KIZ: variants seen among roughly 807,000 people sequenced by gnomAD.
The protein encoded by KIZ is kizuna centrosomal protein.
A neutral mutation model predicts 79.6 loss-of-function variants in KIZ; 68 were observed. That is an observed-to-expected ratio of 0.85 (90% CI 0.70 to 1.05). The LOEUF (loss-of-function observed/expected upper bound fraction) is 1.05, where lower values mean the gene tolerates loss of function less well. Among genes scored for constraint, KIZ ranks in the 50% least tolerant of loss-of-function variants. The pLI is 0.00. For missense variants in KIZ, 797 were observed against 800.4 expected, an observed-to-expected ratio of 1.00 and a Z score of 0.05; for synonymous variants, 280 against 281.8, an observed-to-expected ratio of 0.99 and a Z score of 0.06.
At chr20:21,227,538 C>G (rs1382674474) in intron 9 of KIZ, among the ~76,000 whole-genome samples, 1 of 152,018 alleles carries the variant, frequency 6.6e-6, no homozygotes, top group Non-Finnish European at 1.5e-5. Context: ...AAAATAAAAA[C>G]AAAACAGGGC....
chr20:21,126,048 G>T, upstream of KIZ: 1 of 1,412,600 alleles, frequency 7.1e-7, no homozygotes, highest in Non-Finnish European at 9.2e-7. Flanking sequence ...TGGTGGGGCG[G>T]TCTCCTTCGG....
chr20:21,211,659 G>A (rs2036072830), intron 7 of KIZ, among the ~76,000 whole-genome samples: 1 of 152,280 alleles, frequency 6.6e-6, no homozygotes, highest in South Asian at 2.1e-4. Context: ...TGTTCTCTGA[G>A]CTTCTCTCTG....
intron 4 of KIZ, among the ~76,000 whole-genome samples, chr20:21,156,764 G>A (rs1382611692): frequency 6.6e-6 from 1 of 152,100 alleles, no homozygotes; most frequent in African/African-American, 2.4e-5. Flanking sequence ...GATAGGCAGG[G>A]TGTCCCAACT....
chr20:21,230,744 G>A (rs2036807915), intron 10 of KIZ, among the ~76,000 whole-genome samples: 1 of 152,182 alleles, frequency 6.6e-6, no homozygotes, highest in South Asian at 2.1e-4. Flanking sequence ...AGACATTGTA[G>A]TTTATTGAGT....
chr20:21,217,426 A>C (rs1195383540), intron 9 of KIZ, among the ~76,000 whole-genome samples: 3 of 152,166 alleles, frequency 2.0e-5, no homozygotes, highest in Non-Finnish European at 4.4e-5. Flanking sequence ...TTAATTTAAG[A>C]CAGAGTCTGT....
intron 6 of KIZ, among the ~76,000 whole-genome samples, chr20:21,176,233 C>T (rs373902863): frequency 2.1e-4 from 32 of 152,218 alleles, no homozygotes; most frequent in African/African-American, 7.2e-4. Flanking sequence ...TTGCCTGAAC[C>T]TGGGAGGCAG....
chr20:21,232,280 C>T (rs559499846), intron 10 of KIZ, among the ~76,000 whole-genome samples: 2 of 152,310 alleles, frequency 1.3e-5, no homozygotes, highest in East Asian at 3.9e-4. Context: ...GAGATTCTTT[C>T]TCCTCTGTGG....
intron 6 of KIZ, among the ~76,000 whole-genome samples, chr20:21,203,939 A>ACT (rs2035696921): frequency 6.6e-6 from 1 of 151,060 alleles, no homozygotes. Flanking sequence ...CCATTAAACA[A>ACT]CTCTCCATTT....
chr20:21,143,835 C>T (rs1243085755), intron 3 of KIZ, among the ~76,000 whole-genome samples: 2 of 152,038 alleles, frequency 1.3e-5, no homozygotes, highest in Non-Finnish European at 2.9e-5. Flanking sequence ...GTGTTCCGGA[C>T]ATGGATAATA....
At chr20:21,168,479 A>C (rs1200884073) in intron 6 of KIZ, among the ~76,000 whole-genome samples, 2 of 152,218 alleles carry the variant, frequency 1.3e-5, no homozygotes, top group African/African-American at 4.8e-5. Flanking sequence ...GGTAGGAAGA[A>C]TCAATATCGT....
chr20:21,147,649 C>A (rs1176447329), intron 4 of KIZ, among the ~76,000 whole-genome samples: 2 of 152,086 alleles, frequency 1.3e-5, no homozygotes, highest in African/African-American at 4.8e-5. Context: ...AACAGTAGGC[C>A]CCTCTATGAA....
At chr20:21,223,668 T>C (rs2036570640) in intron 9 of KIZ, among the ~76,000 whole-genome samples, 1 of 148,448 alleles carries the variant, frequency 6.7e-6, no homozygotes, top group African/African-American at 2.5e-5. Flanking sequence ...TCTCTCTCTT[T>C]TTTTTTTTTT....
intron 9 of KIZ, among the ~76,000 whole-genome samples, chr20:21,217,277 A>G (rs1033209360): frequency 6.6e-6 from 1 of 152,312 alleles, no homozygotes; most frequent in South Asian, 2.1e-4. Context: ...CCTTGGCACT[A>G]CTAATACTGT....
chr20:21,235,247 C>T (rs1441852633), intron 11 of KIZ, among the ~76,000 whole-genome samples: 2 of 152,110 alleles, frequency 1.3e-5, no homozygotes, highest in South Asian at 2.1e-4. Flanking sequence ...TGGTGGGGTT[C>T]GGGTGCTTTC....
At chr20:21,186,390 T>C (rs934478912) in intron 6 of KIZ, among the ~76,000 whole-genome samples, 4 of 151,888 alleles carry the variant, frequency 2.6e-5, no homozygotes, top group African/African-American at 7.3e-5. Flanking sequence ...GCATCTGTAA[T>C]CATGAGTACA....
intron 11 of KIZ, among the ~76,000 whole-genome samples, chr20:21,234,655 G>C (rs2036943109): frequency 6.6e-6 from 1 of 150,894 alleles, no homozygotes; most frequent in African/African-American, 2.4e-5. Flanking sequence ...CCCGGTACTT[G>C]AGAATAAACA....
chr20:21,233,189 G>A (rs1266204038), intron 11 of KIZ, among the ~76,000 whole-genome samples: 1 of 152,172 alleles, frequency 6.6e-6, no homozygotes, highest in African/African-American at 2.4e-5. Flanking sequence ...AAAGTGGCAT[G>A]TTTCTTCTTT....
chr20:21,144,394 T>C (rs535289496), intron 3 of KIZ, among the ~76,000 whole-genome samples: 1 of 152,192 alleles, frequency 6.6e-6, no homozygotes, highest in Non-Finnish European at 1.5e-5. Flanking sequence ...TTTAAAGCTC[T>C]TGGGGCTAAA....
intron 6 of KIZ, chr20:21,166,186 T>C: frequency 8.1e-7 from 1 of 1,231,246 alleles, no homozygotes. Context: ...ATTTTATTTG[T>C]AAATATATGT....
Sources: gnomAD v4.1 joint callset for allele counts (sites outside exome capture counted in the v4.1 genomes callset) on GRCh38, gnomAD v4.1.1 for gene constraint, MANE v1.5 for transcripts, NCBI Gene and HGNC (gene_info 2026-07-23, HGNC 2026-07-21) for gene names.